Variants in ZMYM1 observed in about 807,000 individuals in gnomAD.
The protein encoded by ZMYM1 is zinc finger MYM-type containing 1.
Under a neutral mutation model 60.0 loss-of-function variants are expected in ZMYM1, and 39 were observed. That is an observed-to-expected ratio of 0.65 (90% CI 0.50 to 0.85). ZMYM1 has a LOEUF of 0.85. Among genes scored for constraint, ZMYM1 ranks in the 40% least tolerant of loss-of-function variants. ZMYM1 has a pLI of 0.00. For missense variants in ZMYM1, 1,171 were observed against 1,309.5 expected (o/e 0.89, Z 1.63); for synonymous variants, 413 against 454.0 (o/e 0.91, Z 1.15).
downstream of ZMYM1, among the ~76,000 whole-genome samples, chr1:35,118,402 T>C (rs188651113): frequency 1.3e-5 from 2 of 152,250 alleles, no homozygotes; most frequent in Admixed American, 6.5e-5. Flanking sequence ...TTCTAGCTGT[T>C]TTTAGTTGTA....
At chr1:35,068,887 A>G (rs1642022073) in intron 1 of ZMYM1, among the ~76,000 whole-genome samples, 1 of 151,924 alleles carries the variant, frequency 6.6e-6, no homozygotes, top group Non-Finnish European at 1.5e-5. Flanking sequence ...CCCATGCTGG[A>G]GGGCAATGGC....
At chr1:35,079,994 C>T (rs1642286137) in intron 1 of ZMYM1, among the ~76,000 whole-genome samples, 1 of 152,142 alleles carries the variant, frequency 6.6e-6, no homozygotes, top group South Asian at 2.1e-4. Flanking sequence ...CGCCTGTAAT[C>T]TCAGCTACTC....
intron 1 of ZMYM1, among the ~76,000 whole-genome samples, chr1:35,062,443 C>T (rs1442455542): frequency 6.6e-6 from 1 of 152,184 alleles, no homozygotes; most frequent in African/African-American, 2.4e-5. Context: ...TTTTATTTGC[C>T]ATTTCTATTG....
At chr1:35,107,485 A>C (rs1008895046) in intron 6 of ZMYM1, among the ~76,000 whole-genome samples, 2 of 150,904 alleles carry the variant, frequency 1.3e-5, no homozygotes, top group Non-Finnish European at 3.0e-5. Flanking sequence ...AAAAAAAAAA[A>C]CCTGTATTGA....
At chr1:35,064,788 G>A (rs1247336664) in intron 1 of ZMYM1, among the ~76,000 whole-genome samples, 2 of 145,036 alleles carry the variant, frequency 1.4e-5, no homozygotes, top group African/African-American at 2.6e-5. Context: ...CCGGGTTCAC[G>A]CCATTCTCCT....
intron 1 of ZMYM1, among the ~76,000 whole-genome samples, chr1:35,073,575 A>G (rs922621284): frequency 4.6e-5 from 6 of 131,774 alleles, no homozygotes; most frequent in East Asian, 5.3e-4. Context: ...GGAAAGAAAA[A>G]AAGAAAAGAA....
intron 3 of ZMYM1, among the ~76,000 whole-genome samples, chr1:35,096,238 G>T (rs540407207): frequency 1.3e-5 from 2 of 151,772 alleles, no homozygotes; most frequent in South Asian, 4.2e-4. Flanking sequence ...CTTGAACCTG[G>T]GAGGCAGAGG....
Position 35,114,951 on chromosome 1 carries a change from G to C in ZMYM1, c.3121G>C (p.Asp1041His), listed in dbSNP as rs2148579385. The C allele has an allele frequency of 1.2e-6, 2 of 1,613,980 alleles. No individual in the cohort carries two copies. The highest frequency in any genetic ancestry group is 1.7e-6 in the Non-Finnish European group (2 of 1,179,848). The change falls in exon 10 of 10, where the codon GAT becomes CAT. Residue 1041 changes from aspartate to histidine, a missense_variant. Coordinates refer to ENST00000359858, the MANE Select transcript of ZMYM1 (RefSeq NM_024772.5). ...TTATGCAAAGCTTAACTTTGTCATA[G>C]ATGATAGTTGCATAAACTTCGTCAG... ...RHYAKLNFVI[D>H]DSCINFVSLG...
intron 1 of ZMYM1, among the ~76,000 whole-genome samples, chr1:35,072,657 T>G (rs1642087902): frequency 6.6e-6 from 1 of 152,092 alleles, no homozygotes; most frequent in Non-Finnish European, 1.5e-5. Flanking sequence ...ATTAGAAATA[T>G]TTCTTCTTGG....
intron 1 of ZMYM1, among the ~76,000 whole-genome samples, chr1:35,072,411 C>CAAA (rs1175573318): frequency 6.6e-6 from 1 of 152,002 alleles, no homozygotes; most frequent in African/African-American, 2.4e-5. Flanking sequence ...TCTTCTTTTT[C>CAAA]ATCTGTCATT....
intron 1 of ZMYM1, among the ~76,000 whole-genome samples, chr1:35,062,948 C>T (rs944688476): frequency 1.3e-5 from 2 of 152,070 alleles, no homozygotes; most frequent in Non-Finnish European, 2.9e-5. Flanking sequence ...TTTTACACAA[C>T]GGAAGTTTAT....
At chr1:35,097,655 ATT>A in intron 4 of ZMYM1, 89 bp downstream of exon 4, 1 of 1,510,458 alleles carries the variant, frequency 6.6e-7, no homozygotes, top group Non-Finnish European at 9.1e-7. Flanking sequence ...TTCTTTTTTT[ATT>A]TTTTGAGACT....
chr1:35,062,535 C>G (rs1472516972), intron 1 of ZMYM1, among the ~76,000 whole-genome samples: 1 of 152,204 alleles, frequency 6.6e-6, no homozygotes, highest in Non-Finnish European at 1.5e-5. Context: ...CCCAGTAGTA[C>G]AGTAGAAAGT....
chr1:35,107,829 G>A (rs1643943891), intron 6 of ZMYM1, among the ~76,000 whole-genome samples: 1 of 152,092 alleles, frequency 6.6e-6, no homozygotes. Context: ...CCACTATTGG[G>A]CCAGGTGCGG....
At chr1:35,060,663 T>C (rs1641857200) in intron 1 of ZMYM1, among the ~76,000 whole-genome samples, 1 of 152,098 alleles carries the variant, frequency 6.6e-6, no homozygotes, top group African/African-American at 2.4e-5. Context: ...ACATTTCTTT[T>C]CTCCTGCTAA....
At chr1:35,106,608 CAAAAAAAAAAAAA>C (rs752085700) in intron 6 of ZMYM1, among the ~76,000 whole-genome samples, 2 of 38,840 alleles carry the variant, frequency 5.1e-5, no homozygotes, top group Admixed American at 5.7e-4. Context: ...GACTCCGTCT[CAAAAAAAAAAAAA>C]AAAAAAAAAA....
rs375389885 is a variant in ZMYM1 at position 35,096,406 on chromosome 1, G to A, written c.169+515G>A. ...TTGGGAGGCCAAGGTGGAAGGATCA[G>A]CTTGAGGGCAGGAGTTTGAGACCAG... On this transcript the variant is annotated intron_variant, in intron 3 of 9. Coordinates refer to ENST00000359858, the MANE Select transcript of ZMYM1 (RefSeq NM_024772.5). Among the ~76,000 whole-genome samples, 27 of 152,038 alleles carry A rather than the reference G, an allele frequency of 1.8e-4. 1 individual carries two copies. Among genetic ancestry groups the A allele is most frequent in the African/African-American group, 4.8e-4 (20 of 41,500 alleles).
chr1:35,114,086 A>G lies in ZMYM1; in HGVS notation c.2256A>G (p.Leu752=). 2 of 1,611,966 alleles carry G rather than the reference A, an allele frequency of 1.2e-6. No individual in the cohort carries two copies. Among genetic ancestry groups the G allele is most frequent in the Non-Finnish European group, 1.7e-6 (2 of 1,179,394 alleles). Residue 752 remains leucine, a synonymous_variant, in exon 10 of 10, where the codon TTA becomes TTG. Transcript: ENST00000359858. ...YIHCYAHFLD[L]SIIRFCKEVK... is the part of the protein sequence containing the mutation. Reference sequence around the variant, plus strand: ...ATTGTTATGCACACTTTTTGGATTTATCAATAATTAGGTTTTGTAAAGAAG... The same window carrying G: ...ATTGTTATGCACACTTTTTGGATTTGTCAATAATTAGGTTTTGTAAAGAAG...
At chr1:35,069,684 T>C (rs1190957985) in intron 1 of ZMYM1, among the ~76,000 whole-genome samples, 57 of 152,236 alleles carry the variant, frequency 3.7e-4, no homozygotes, top group Admixed American at 3.7e-3. Context: ...TTAAGCATTT[T>C]CCCTGTGTTT....
Sources: gnomAD v4.1 joint callset for allele counts (sites outside exome capture counted in the v4.1 genomes callset) on GRCh38, gnomAD v4.1.1 for gene constraint, MANE v1.5 for transcripts, NCBI Gene and HGNC (gene_info 2026-07-23, HGNC 2026-07-21) for gene names.